Variants in TENM2 observed in about 807,000 individuals in gnomAD.
TENM2 encodes the protein teneurin-2.
Under a neutral mutation model 245.2 loss-of-function variants are expected in TENM2, and 52 were observed. That is an observed-to-expected ratio of 0.21 (90% confidence interval 0.17 to 0.27). The LOEUF is 0.27. Among genes scored for constraint, TENM2 ranks in the 10% least tolerant of loss-of-function variants. TENM2 has a pLI of 1.00. For synonymous variants in TENM2, 1,363 were observed against 1,438.9 expected, an observed-to-expected ratio of 0.95 and a Z score of 1.19; for missense variants, 3,046 against 3,666.8, an observed-to-expected ratio of 0.83 and a Z score of 4.37.
intron 5 of TENM2, among the ~76,000 whole-genome samples, chr5:168,026,220 T>C (rs1027206429): frequency 6.6e-6 from 1 of 152,020 alleles, no homozygotes; most frequent in African/African-American, 2.4e-5. Flanking sequence ...CCTCTGAGAG[T>C]TGGGGACCCC....
At chr5:168,223,070 A>G (rs1292039109) in intron 23 of TENM2, among the ~76,000 whole-genome samples, 1 of 152,250 alleles carries the variant, frequency 6.6e-6, no homozygotes, top group Non-Finnish European at 1.5e-5. Flanking sequence ...AAAGACCTAC[A>G]TCTGAAGACG....
At chr5:167,872,548 G>GAAAGAGAAAGAAAGAA (rs1313191288) in intron 2 of TENM2, among the ~76,000 whole-genome samples, 38 of 65,434 alleles carry the variant, frequency 5.8e-4, no homozygotes, top group Non-Finnish European at 1.1e-3. Flanking sequence ...AAGAAAGAAA[G>GAAAGAGAAAGAAAGAA]AGAAAGAAAG....
chr5:168,150,773 A>AG (rs1756576511), intron 12 of TENM2, among the ~76,000 whole-genome samples: 1 of 152,162 alleles, frequency 6.6e-6, no homozygotes, highest in Non-Finnish European at 1.5e-5. Flanking sequence ...CTACCTGGCT[A>AG]GGGGGGCGCA....
intron 22 of TENM2, 79 bp downstream of exon 24, chr5:168,217,001 T>C (rs1763254842): frequency 2.3e-5 from 35 of 1,526,598 alleles, no homozygotes; most frequent in Non-Finnish European, 2.9e-5. Context: ...CCTGTTTGGT[T>C]TGGAAGTGGA....
At chr5:167,284,749 C>T, upstream of TENM2, 10 of 970,388 alleles carry the variant, frequency 1.0e-5, no homozygotes, top group Admixed American at 6.5e-5. Context: ...TGGGTTTTTT[C>T]TTCTATGTTT....
At chr5:167,799,361 G>T (rs909740099) in intron 2 of TENM2, among the ~76,000 whole-genome samples, 3 of 152,280 alleles carry the variant, frequency 2.0e-5, no homozygotes, top group South Asian at 2.1e-4. Context: ...GAACATCTCT[G>T]GTTGAGTGTT....
At chr5:168,049,551 G>A (rs193037166) in intron 6 of TENM2, among the ~76,000 whole-genome samples, 54 of 152,246 alleles carry the variant, frequency 3.5e-4, no homozygotes, top group Admixed American at 5.2e-4. Flanking sequence ...TTTGTGATAA[G>A]CCTCTATTTC....
At chr5:168,139,371 C>G (rs1028240987) in intron 12 of TENM2, 9 of 418,272 alleles carry the variant, frequency 2.2e-5, no homozygotes, top group Non-Finnish European at 4.3e-5. Flanking sequence ...CTCATCTTCT[C>G]TTAGCTATAT....
At chr5:168,080,642 G>A (rs56138977) in intron 7 of TENM2, among the ~76,000 whole-genome samples, 9,474 of 152,032 alleles carry the variant, frequency 0.062, 942 homozygotes, top group African/African-American at 0.21. Flanking sequence ...CTTTGTTCTC[G>A]TTGGTTTCAA....
chr5:167,365,734 T>G (rs972854207), intron 1 of TENM2, among the ~76,000 whole-genome samples: 11 of 151,998 alleles, frequency 7.2e-5, no homozygotes, highest in Non-Finnish European at 1.3e-4. Context: ...AAAGCTATAA[T>G]GCTAAGCTTA....
chr5:167,262,309 G>GATC, the TENM2 span, among the ~76,000 whole-genome samples: 1 of 150,466 alleles, frequency 6.6e-6, no homozygotes, highest in Non-Finnish European at 1.5e-5. Flanking sequence ...AGTGGGCTGG[G>GATC]ATCACGCCCT....
intron 2 of TENM2, among the ~76,000 whole-genome samples, chr5:167,868,172 A>T (rs141502070): frequency 3.7e-4 from 56 of 152,238 alleles, no homozygotes; most frequent in Middle Eastern, 6.8e-3. Flanking sequence ...CCTGTGCATT[A>T]TAGGATGTTT....
chr5:167,228,828 C>T, the TENM2 span, among the ~76,000 whole-genome samples: 1 of 152,058 alleles, frequency 6.6e-6, no homozygotes, highest in Admixed American at 6.5e-5. Flanking sequence ...CCTCAGCCTC[C>T]TGAGCAGCTG....
chr5:167,421,776 TG>T (rs1201856485), intron 2 of TENM2, among the ~76,000 whole-genome samples: 7 of 152,122 alleles, frequency 4.6e-5, no homozygotes, highest in African/African-American at 1.7e-4. Context: ...CACACTATTT[TG>T]TTGGTAGTAT....
rs6892048 is a variant in TENM2 at position 167,557,673 on chromosome 5, G to T, written c.502+182200G>T. Among the ~76,000 whole-genome samples, 254 of 152,260 alleles carry T rather than the reference G, an allele frequency of 1.7e-3. 1 individual carries two copies. Among genetic ancestry groups the T allele is most frequent in the East Asian group, 0.016 (85 of 5,164 alleles). On this transcript the variant is annotated intron_variant, in intron 2 of 28. Transcript: ENST00000518659. ...TCACTTACCTCAGTCATACCCAGTA[G>T]GGGGGTGATTCTGCCCTCCAGGGGA...
chr5:168,211,752 T>C (rs1762818557), exon 20 of TENM2: 1 of 1,342,698 alleles, frequency 7.4e-7, no homozygotes, highest in East Asian at 2.5e-5. Flanking sequence ...AGTTTAAACA[T>C]AGGTAAGATG....
At chr5:167,525,224 G>A (rs1293309800) in intron 2 of TENM2, among the ~76,000 whole-genome samples, 1 of 152,122 alleles carries the variant, frequency 6.6e-6, no homozygotes. Context: ...TGCTTAGACT[G>A]ATACTTTGTG....
At chr5:167,256,275 CA>C in the TENM2 span, among the ~76,000 whole-genome samples, 1 of 152,140 alleles carries the variant, frequency 6.6e-6, no homozygotes, top group Non-Finnish European at 1.5e-5. Flanking sequence ...TCAGGTTTAG[CA>C]ACCCTTGACA....
At chr5:167,933,443 C>A (rs1308403415) in intron 3 of TENM2, among the ~76,000 whole-genome samples, 1 of 152,130 alleles carries the variant, frequency 6.6e-6, no homozygotes, top group Non-Finnish European at 1.5e-5. Context: ...TATATGACTG[C>A]ATAGTACAAT....
Sources: gnomAD v4.1 joint callset for allele counts (sites outside exome capture counted in the v4.1 genomes callset) on GRCh38, gnomAD v4.1.1 for gene constraint, MANE v1.5 for transcripts, NCBI Gene and HGNC (gene_info 2026-07-23, HGNC 2026-07-21) for gene names.